Variants in MRTFA observed in about 807,000 individuals in gnomAD.
The protein encoded by MRTFA is myocardin related transcription factor A.
Under a neutral mutation model 83.5 loss-of-function variants are expected in MRTFA, and 20 were observed. That is an observed-to-expected ratio of 0.24 (90% CI 0.17 to 0.35). The LOEUF is 0.35. Among genes scored for constraint, MRTFA ranks in the 10% least tolerant of loss-of-function variants. The pLI is 1.00. For synonymous variants in MRTFA, 659 were observed against 541.2 expected (o/e 1.22, Z -3.02); for missense variants, 1,200 against 1,224.7 (o/e 0.98, Z 0.30).
In MRTFA at chr22:40,424,115, C is replaced by T. The variant is rs1602220327; in HGVS notation, c.777+91G>A. 7.4e-6 allele frequency: 10 copies of T among 1,354,988 alleles called. No homozygotes were observed. In the East Asian group the frequency reaches 2.4e-4, roughly 32 times the overall value. The allele number at this position is 1,354,988 out of a possible 1,614,324, so 83.9% of individuals were successfully genotyped here. A position where few individuals can be genotyped will look rare whatever the true frequency, so the allele number is the denominator to read the frequency against. On this transcript the variant is annotated intron_variant, in intron 8 of 14. Transcript: ENST00000355630. Reference sequence around the variant, plus strand: ...TCCCCCTGGCTTCCCTGTGCCAGAGCAGGAGGCATCCCGTGGCCCAGGAGA... The same window carrying T: ...TCCCCCTGGCTTCCCTGTGCCAGAGTAGGAGGCATCCCGTGGCCCAGGAGA...
At chr22:40,448,871 G>A (rs2053433230) in intron 4 of MRTFA, among the ~76,000 whole-genome samples, 2 of 152,196 alleles carry the variant, frequency 1.3e-5, no homozygotes, top group African/African-American at 4.8e-5. Flanking sequence ...TATGAGAGAG[G>A]CAGGCAAGCC....
In MRTFA at chr22:40,633,072, A is replaced by G. The variant is rs563996227; in HGVS notation, c.-84+3406T>C. Among the ~76,000 whole-genome samples, 6 of 152,294 alleles carry G rather than the reference A, an allele frequency of 3.9e-5. No homozygotes were observed. The South Asian group carries it at 1.0e-3, about 26-fold the overall frequency. ...TTATAAAAAACTACTCCCCAAGCCT[A>G]TACCACTTCATCCATAACCCATCAA... On this transcript the variant is annotated intron_variant, in intron 1 of 14. Transcript: ENST00000355630.
At chr22:40,481,831 C>A (rs2054096896) in intron 3 of MRTFA, among the ~76,000 whole-genome samples, 1 of 152,070 alleles carries the variant, frequency 6.6e-6, no homozygotes, top group Admixed American at 6.6e-5. Flanking sequence ...GAGGCCAAGA[C>A]AGGCAGATCA....
intron 1 of MRTFA, among the ~76,000 whole-genome samples, chr22:40,628,713 T>C (rs919469961): frequency 1.3e-5 from 2 of 152,170 alleles, no homozygotes; most frequent in African/African-American, 4.8e-5. Context: ...ACAGATCTTC[T>C]ATTACTGCTA....
intron 3 of MRTFA, among the ~76,000 whole-genome samples, chr22:40,479,224 T>C (rs555190143): frequency 6.6e-6 from 1 of 152,230 alleles, no homozygotes; most frequent in South Asian, 2.1e-4. Context: ...GCCAGCCACA[T>C]ATACAGTAAG....
chr22:40,618,714 A>G (rs2056484314), intron 1 of MRTFA, among the ~76,000 whole-genome samples: 1 of 152,162 alleles, frequency 6.6e-6, no homozygotes, highest in African/African-American at 2.4e-5. Context: ...CTTTAATTCC[A>G]GCACTTTGGG....
At chr22:40,584,961 C>T (rs939821813) in intron 2 of MRTFA, among the ~76,000 whole-genome samples, 9 of 152,062 alleles carry the variant, frequency 5.9e-5, no homozygotes, top group Admixed American at 5.9e-4. Context: ...GGTAGGATCG[C>T]TTGAACCTGG....
rs371932776 is a variant in MRTFA at position 40,629,065 on chromosome 22, G to C, written c.-84+7413C>G. On this transcript the variant is annotated intron_variant, in intron 1 of 14. Coordinates refer to ENST00000355630, the MANE Select transcript of MRTFA (RefSeq NM_020831.6). ...AACACTTCGGGAGGCCAAGGCAGGA[G>C]GATTGCTGTGGCCAGGAATTTGAGA... Among the ~76,000 whole-genome samples, 5 of 152,166 alleles carry C rather than the reference G, an allele frequency of 3.3e-5. No homozygotes were observed. In the South Asian group the frequency reaches 6.2e-4, roughly 19 times the overall value.
intron 2 of MRTFA, among the ~76,000 whole-genome samples, chr22:40,577,976 CAG>C (rs1569337160): frequency 2.0e-5 from 3 of 151,420 alleles, no homozygotes; most frequent in East Asian, 3.9e-4. Flanking sequence ...TCCCCCGAGA[CAG>C]AGTCTTGCTT....
intron 3 of MRTFA, among the ~76,000 whole-genome samples, chr22:40,544,366 G>A (rs550443918): frequency 6.6e-6 from 1 of 152,182 alleles, no homozygotes; most frequent in South Asian, 2.1e-4. Context: ...TCCTGAGTAG[G>A]TGGGACTACA....
intron 3 of MRTFA, among the ~76,000 whole-genome samples, chr22:40,500,707 G>C (rs1404082141): frequency 3.3e-5 from 5 of 150,386 alleles, no homozygotes; most frequent in Non-Finnish European, 5.9e-5. Flanking sequence ...CACCGGGTTG[G>C]GGGTAAGGTC....
intron 3 of MRTFA, among the ~76,000 whole-genome samples, chr22:40,517,460 T>C (rs1488547664): frequency 6.6e-6 from 1 of 152,020 alleles, no homozygotes; most frequent in Admixed American, 6.6e-5. Flanking sequence ...GGCAATATAG[T>C]ATAGTGGTAA....
chr22:40,429,390 T>C, intron 7 of MRTFA: 2 of 687,248 alleles, frequency 2.9e-6, no homozygotes, highest in Non-Finnish European at 5.4e-6. Context: ...TATTTATTGT[T>C]GTATGTCCCT....
intron 1 of MRTFA, among the ~76,000 whole-genome samples, chr22:40,620,145 G>C (rs1336236877): frequency 1.4e-5 from 2 of 141,908 alleles, no homozygotes; most frequent in African/African-American, 5.3e-5. Context: ...TTTTTTTTGA[G>C]ACAGAGTTTT....
chr22:40,593,918 T>C (rs781177814), intron 2 of MRTFA, among the ~76,000 whole-genome samples: 4 of 152,348 alleles, frequency 2.6e-5, no homozygotes, highest in East Asian at 1.9e-4. Context: ...AACATACTTA[T>C]GGTGGTAGAA....
At chr22:40,434,730 A>C (rs1312887565) in intron 5 of MRTFA, among the ~76,000 whole-genome samples, 2 of 152,198 alleles carry the variant, frequency 1.3e-5, no homozygotes, top group Non-Finnish European at 2.9e-5. Flanking sequence ...TCAAAAAATA[A>C]AGTAAAATAA....
chr22:40,417,705 C>T (rs2052715702), intron 12 of MRTFA: 1 of 558,464 alleles, frequency 1.8e-6, no homozygotes, highest in Non-Finnish European at 3.2e-6. Context: ...GGTGCCTGGC[C>T]CCTTGAGGTT....
At chr22:40,589,399 G>T (rs1233537070) in intron 2 of MRTFA, among the ~76,000 whole-genome samples, 1 of 152,118 alleles carries the variant, frequency 6.6e-6, no homozygotes. Flanking sequence ...AACGTATGAG[G>T]TATTACTATT....
At chr22:40,481,992 A>G (rs1056725594) in intron 3 of MRTFA, among the ~76,000 whole-genome samples, 10 of 151,586 alleles carry the variant, frequency 6.6e-5, no homozygotes, top group African/African-American at 2.2e-4. Context: ...CCCGGGAGGC[A>G]GAGCGTGCAG....
Sources: allele counts gnomAD v4.1 joint callset (sites outside exome capture counted in the v4.1 genomes callset), GRCh38; gene constraint gnomAD v4.1.1; transcripts MANE v1.5; gene names NCBI Gene and HGNC (gene_info 2026-07-23, HGNC 2026-07-21).